KPNA3: variants seen among roughly 807,000 people sequenced by gnomAD.
KPNA3 encodes karyopherin subunit alpha 3, also known as importin subunit alpha-4.
KPNA3 carries 13 observed loss-of-function variants against 73.8 expected under a neutral mutation model. That is an observed-to-expected ratio of 0.18 (90% confidence interval 0.11 to 0.28). The LOEUF is 0.28. KPNA3 is among the 10% of genes least tolerant of loss of function. The pLI is 1.00. For missense variants in KPNA3, 360 were observed against 618.1 expected (o/e 0.58, Z 4.43); for synonymous variants, 186 against 206.9 (o/e 0.90, Z 0.87).
chr13:49,733,030 T>C lies in KPNA3; in HGVS notation c.131A>G (p.His44Arg). 1 of 1,608,922 alleles carries C rather than the reference T, an allele frequency of 6.2e-7. No individual in the cohort carries two copies. The highest frequency in any genetic ancestry group is 1.1e-5 in the South Asian group (1 of 90,798). Residue 44 changes from histidine to arginine, a missense_variant, in exon 3 of 17, where the codon CAC becomes CGC. Physicochemically the swap from His to Arg is conservative, Grantham distance 29. Coordinates refer to ENST00000261667, the MANE Select transcript of KPNA3 (RefSeq NM_002267.4). ...GGGAACATTTCTCTTTTTCAATAAG[T>C]GTTCATCTCTTTTGTTCTGAAAGGC... is the stretch of plus-strand genomic sequence containing the variant. ...VELRKNKRDE[H>R]LLKKRNVPQE...
At chr13:49,763,376 C>T (rs573912046) in intron 1 of KPNA3, among the ~76,000 whole-genome samples, 1 of 151,798 alleles carries the variant, frequency 6.6e-6, no homozygotes, top group Non-Finnish European at 1.5e-5. Flanking sequence ...TAAAAGAGGG[C>T]CAAAGATGAC....
chr13:49,743,162 GAC>G (rs1341220220), intron 2 of KPNA3, among the ~76,000 whole-genome samples: 1 of 152,136 alleles, frequency 6.6e-6, no homozygotes, highest in Non-Finnish European at 1.5e-5. Flanking sequence ...AGTTACAATT[GAC>G]AGATGATATC....
At chr13:49,734,390 C>T (rs182138147) in intron 2 of KPNA3, among the ~76,000 whole-genome samples, 5 of 152,290 alleles carry the variant, frequency 3.3e-5, no homozygotes, top group South Asian at 4.1e-4. Context: ...ATGTACAATA[C>T]ACTGAAATTA....
intron 1 of KPNA3, among the ~76,000 whole-genome samples, chr13:49,776,733 T>C (rs1361156344): frequency 1.3e-5 from 2 of 152,238 alleles, no homozygotes; most frequent in African/African-American, 2.4e-5. Context: ...CCATTTCTGA[T>C]GTTTTTCTGA....
chr13:49,745,144 G>A (rs144962390), intron 2 of KPNA3, among the ~76,000 whole-genome samples: 7 of 152,218 alleles, frequency 4.6e-5, no homozygotes, highest in East Asian at 1.9e-4. Context: ...TTCTGATGAA[G>A]ACCTTATGAA....
Position 49,732,939 on chromosome 13 carries a change from T to TA in KPNA3, c.204+17dup, listed in dbSNP as rs1312340286. The stretch of plus-strand genomic sequence containing the variant: ...ATAAAAATTATTTTAAAATCACTAT[T>TA]AAAACATGGTAACTTACTGCTTTAA... On this transcript the variant is annotated intron_variant, in intron 3 of 16. Transcript: ENST00000261667. 2 of 1,537,324 alleles carry TA rather than the reference T, an allele frequency of 1.3e-6. No homozygotes were observed. Among genetic ancestry groups the TA allele is most frequent in the African/African-American group, 2.8e-5 (2 of 72,534 alleles).
intron 1 of KPNA3, among the ~76,000 whole-genome samples, chr13:49,767,416 T>TAAA (rs200281474): frequency 1.0e-5 from 1 of 96,090 alleles, no homozygotes; most frequent in African/African-American, 3.6e-5. Context: ...TCTGTCTCAA[T>TAAA]AAAAAAAAAA....
At chr13:49,717,000 C>G (rs962658160) in intron 10 of KPNA3, among the ~76,000 whole-genome samples, 1 of 152,104 alleles carries the variant, frequency 6.6e-6, no homozygotes, top group African/African-American at 2.4e-5. Context: ...TCCTAACACT[C>G]AAAGTTTTTT....
At position 49,732,593 on chromosome 13, in the gene KPNA3, A is replaced by G. The variant is rs758045675; in HGVS notation, c.287+12T>C. The G allele has an allele frequency of 1.3e-6, 2 of 1,598,214 alleles. No individual in the cohort carries two copies. Among genetic ancestry groups the G allele is most frequent in the Non-Finnish European group, 1.7e-6 (2 of 1,166,894 alleles). ...ATGACATAATTCTCTCTCTAGACAAATTAGTATTTACCTTGCTGCCTGGAC... is the reference window on the plus strand; with the variant it reads ...ATGACATAATTCTCTCTCTAGACAAGTTAGTATTTACCTTGCTGCCTGGAC... On this transcript the variant is annotated intron_variant, in intron 5 of 16. Coordinates refer to ENST00000261667, the MANE Select transcript of KPNA3 (RefSeq NM_002267.4).
chr13:49,771,506 G>A (rs1385408478), intron 1 of KPNA3, among the ~76,000 whole-genome samples: 5 of 152,132 alleles, frequency 3.3e-5, no homozygotes, highest in Admixed American at 3.3e-4. Context: ...CCCCGCTGGA[G>A]TGCCAGTGGC....
chr13:49,705,194 A>C (rs753400801), intron 15 of KPNA3, among the ~76,000 whole-genome samples: 7 of 152,070 alleles, frequency 4.6e-5, no homozygotes, highest in Non-Finnish European at 7.4e-5. Context: ...CCTCGTCTCT[A>C]TTAAAAACAC....
chr13:49,734,770 T>C (rs1471621168), intron 2 of KPNA3, among the ~76,000 whole-genome samples: 1 of 152,204 alleles, frequency 6.6e-6, no homozygotes, highest in Non-Finnish European at 1.5e-5. Flanking sequence ...ATGTGTCTAT[T>C]AGTTAAAATT....
intron 2 of KPNA3, among the ~76,000 whole-genome samples, chr13:49,734,995 T>C (rs1014613700): frequency 2.7e-5 from 4 of 150,418 alleles, no homozygotes; most frequent in African/African-American, 9.8e-5. Context: ...AGGCATATAC[T>C]AGTTTAGAGC....
Position 49,702,483 on chromosome 13 carries a change from G to A in KPNA3, c.1373-3C>T. The stretch of plus-strand genomic sequence containing the variant: ...TAAAACTTCAATTTTCTCCAAACCT[G>A]GTAAAAATAAAATAATCAAAATAAC... On this transcript the variant is annotated splice_region_variant and splice_polypyrimidine_tract_variant and intron_variant, in intron 15 of 16. Transcript: ENST00000261667. The A allele has an allele frequency of 1.4e-6, 2 of 1,448,404 alleles. No homozygotes were observed. Among genetic ancestry groups the A allele is most frequent in the East Asian group, 2.3e-5 (1 of 43,178 alleles). 89.7% of individuals were successfully genotyped at this position (1,448,404 alleles called of 1,614,324 possible). A position where few individuals can be genotyped will look rare whatever the true frequency, so the allele number is the denominator to read the frequency against.
At chr13:49,765,438 A>G (rs905116338) in intron 1 of KPNA3, among the ~76,000 whole-genome samples, 1 of 152,168 alleles carries the variant, frequency 6.6e-6, no homozygotes, top group African/African-American at 2.4e-5. Context: ...AATTCACCTA[A>G]AGTATACATA....
intron 1 of KPNA3, among the ~76,000 whole-genome samples, chr13:49,782,607 G>A (rs868855168): frequency 6.6e-6 from 1 of 152,062 alleles, no homozygotes. Flanking sequence ...GGCTGCGCGC[G>A]GTGGCTCATG....
intron 2 of KPNA3, among the ~76,000 whole-genome samples, chr13:49,744,981 A>T (rs1233992001): frequency 6.6e-6 from 1 of 152,222 alleles, no homozygotes; most frequent in East Asian, 1.9e-4. Context: ...TTTTAAAAAA[A>T]ACCTCACTCT....
At chr13:49,722,439 A>G (rs942285001) in intron 8 of KPNA3, 38 bp downstream of exon 8, 2 of 1,403,596 alleles carry the variant, frequency 1.4e-6, no homozygotes, top group African/African-American at 1.4e-5. Flanking sequence ...AAAAAAGTTA[A>G]TTTAGATTCT....
chr13:49,789,831 C>G (rs1192888578), intron 1 of KPNA3, among the ~76,000 whole-genome samples: 1 of 152,150 alleles, frequency 6.6e-6, no homozygotes, highest in Non-Finnish European at 1.5e-5. Flanking sequence ...TTTCTTCCAC[C>G]AGCCTTCTCC....
Sources: allele counts gnomAD v4.1 joint callset (sites outside exome capture counted in the v4.1 genomes callset), GRCh38; gene constraint gnomAD v4.1.1; transcripts MANE v1.5; gene names NCBI Gene and HGNC (gene_info 2026-07-23, HGNC 2026-07-21).